PTPRC: variants seen among roughly 807,000 people sequenced by gnomAD.
The protein encoded by PTPRC is protein tyrosine phosphatase receptor type C.
PTPRC carries 44 observed loss-of-function variants against 155.9 expected under a neutral mutation model. That is an observed-to-expected ratio of 0.28 (90% CI 0.22 to 0.36). The LOEUF is 0.36. Ranked by LOEUF, PTPRC falls within the 10% of genes least tolerant of loss-of-function variation. The pLI is 1.00. For missense variants in PTPRC, 1,401 were observed against 1,564.6 expected (o/e 0.90, Z 1.76); for synonymous variants, 525 against 533.1 (o/e 0.98, Z 0.21).
At chr1:198,754,672 G>T (rs1418532914) in intron 32 of PTPRC, among the ~76,000 whole-genome samples, 1 of 152,028 alleles carries the variant, frequency 6.6e-6, no homozygotes, top group Non-Finnish European at 1.5e-5. Flanking sequence ...AAATGCTCAT[G>T]AATTTCTTAA....
chr1:198,754,042 T>C (rs1280079417), intron 31 of PTPRC, among the ~76,000 whole-genome samples: 1 of 152,020 alleles, frequency 6.6e-6, no homozygotes. Context: ...ATTTGTAAAG[T>C]CGAAGACAAA....
intron 17 of PTPRC, among the ~76,000 whole-genome samples, chr1:198,729,985 A>C (rs1654315715): frequency 6.6e-6 from 1 of 152,068 alleles, no homozygotes. Flanking sequence ...GGCTGCTCCC[A>C]CTAAAGACAC....
At chr1:198,642,370 G>GTCTATCTATCTATCTATCTA (rs369299301) in intron 2 of PTPRC, among the ~76,000 whole-genome samples, 2,723 of 150,496 alleles carry the variant, frequency 0.018, 24 homozygotes, top group Non-Finnish European at 0.022. Flanking sequence ...CTATCTATCT[G>GTCTATCTATCTATCTATCTA]TCTATCTATC....
At chr1:198,723,652 A>G (rs890949735) in intron 15 of PTPRC, among the ~76,000 whole-genome samples, 1 of 152,158 alleles carries the variant, frequency 6.6e-6, no homozygotes, top group African/African-American at 2.4e-5. Flanking sequence ...GAACATTCAC[A>G]CTCACATCTT....
Position 198,733,428 on chromosome 1 carries a change from G to A in PTPRC, c.2143-768G>A, listed in dbSNP as rs190708723. Among the ~76,000 whole-genome samples, 237 of 151,798 alleles carry A rather than the reference G, an allele frequency of 1.6e-3. 1 individual carries two copies. The highest frequency in any genetic ancestry group is 5.5e-3 in the African/African-American group (227 of 41,480). ...ACTTATTAAATAAATGAATGTATGC[G>A]CAATAATGTGTCATGAGATAGAAGT... On this transcript the variant is annotated intron_variant, in intron 20 of 32. Transcript: ENST00000442510.
rs76609275 is a variant in PTPRC at position 198,715,825 on chromosome 1, G to A, written c.1292-857G>A. Among the ~76,000 whole-genome samples, 1,312 of 152,108 alleles carry A rather than the reference G, an allele frequency of 8.6e-3. 15 individuals carry two copies. The highest frequency in any genetic ancestry group is 0.03 in the African/African-American group (1,237 of 41,492). ...GTTATTATTTTTAAAAATCGTTATT[G>A]ATATTATTATTACTGTTGCTGCTAT... is the stretch of plus-strand genomic sequence containing the variant. On this transcript the variant is annotated intron_variant, in intron 12 of 32. Transcript: ENST00000442510.
Position 198,639,223 on chromosome 1 carries a change from CAGA to C in PTPRC, c.-43_-41del. 1 of 1,538,014 alleles carries C rather than the reference CAGA, an allele frequency of 6.5e-7. No homozygotes were observed. The highest frequency in any genetic ancestry group is 9.0e-7 in the Non-Finnish European group (1 of 1,111,136). ...CAGAGATAACAATTATTTTGCTTTT[CAGA>C]AGGACGCATGCTGTTTCTTAGGGAC... On this transcript the variant is annotated splice_acceptor_variant and 5_prime_UTR_variant, in exon 2 of 33. Coordinates refer to ENST00000442510, the MANE Select transcript of PTPRC (RefSeq NM_002838.5). LOFTEE classifies it low-confidence loss of function (5UTR_SPLICE).
rs1371490627 is a variant in PTPRC at position 198,699,664 on chromosome 1, T to C, written c.399T>C (p.Asn133=). The change falls in exon 5 of 33, where the codon AAT becomes AAC. Residue 133 remains asparagine (N), a synonymous_variant. Coordinates refer to ENST00000442510, the MANE Select transcript of PTPRC (RefSeq NM_002838.5). The stretch of plus-strand genomic sequence containing the variant: ...AGACATTCAGCGGCTCCGCCGCCAA[T>C]GCAAAACTCAACCCTACCCCAGGCA... ...DTQTFSGSAA[N]AKLNPTPGSN... 1.2e-6 allele frequency: 2 copies of C among 1,614,086 alleles called. No individual in the cohort carries two copies. Among genetic ancestry groups the C allele is most frequent in the East Asian group, 2.2e-5 (1 of 44,894 alleles).
intron 17 of PTPRC, among the ~76,000 whole-genome samples, chr1:198,731,232 C>T (rs1571877428): frequency 6.6e-6 from 1 of 151,770 alleles, no homozygotes; most frequent in Non-Finnish European, 1.5e-5. Flanking sequence ...CAGTATTTCA[C>T]AAGTTGAAAA....
In PTPRC at chr1:198,747,743, A is replaced by C. The variant is rs142116756; in HGVS notation, c.2848-366A>C. Among the ~76,000 whole-genome samples the C allele has an allele frequency of 3.6e-3, 549 of 152,056 alleles. 6 individuals carry two copies. The highest frequency in any genetic ancestry group is 0.012 in the African/African-American group (508 of 41,528). On this transcript the variant is annotated intron_variant, in intron 26 of 32. Coordinates refer to ENST00000442510, the MANE Select transcript of PTPRC (RefSeq NM_002838.5). Reference sequence around the variant, plus strand: ...AGTCTCCTAAGAATGTGTTGTCTCCAAAGTTTATTTCTGATCATTTAAAAT... The same window carrying C: ...AGTCTCCTAAGAATGTGTTGTCTCCCAAGTTTATTTCTGATCATTTAAAAT...
rs1655671301 is a variant in PTPRC at position 198,756,470 on chromosome 1, G to A, written c.*289G>A. On this transcript the variant is annotated 3_prime_UTR_variant, in exon 33 of 33. Coordinates refer to ENST00000442510, the MANE Select transcript of PTPRC (RefSeq NM_002838.5). ...TGTGTGTATGGGTGTGTGTTTGTGT[G>A]AGAGACAGAGAAAGAGAGAGAATTC... is the stretch of plus-strand genomic sequence containing the variant. 1.1e-5 allele frequency: 3 copies of A among 275,782 alleles called. No homozygotes were observed. The highest frequency in any genetic ancestry group is 2.1e-5 in the Non-Finnish European group (3 of 145,828). The allele number at this position is 275,782 out of a possible 1,614,324, so 17.1% of individuals were successfully genotyped here. A position where few individuals can be genotyped will look rare whatever the true frequency, so the allele number is the denominator to read the frequency against.
chr1:198,727,375 G>A (rs1473134898), intron 15 of PTPRC, among the ~76,000 whole-genome samples: 3 of 151,966 alleles, frequency 2.0e-5, no homozygotes, highest in African/African-American at 7.3e-5. Flanking sequence ...TAAGTTCCAT[G>A]AGGACAGGAC....
chr1:198,693,713 T>C (rs780440067), intron 3 of PTPRC, among the ~76,000 whole-genome samples: 2 of 152,192 alleles, frequency 1.3e-5, no homozygotes, highest in Non-Finnish European at 2.9e-5. Flanking sequence ...TCAAGAACAA[T>C]GTGGAATTGG....
chr1:198,660,492 G>A (rs1449225336), intron 2 of PTPRC: 1 of 151,660 alleles, frequency 6.6e-6, no homozygotes, highest in Non-Finnish European at 1.5e-5. Context: ...GTGTGTGTGT[G>A]TGTGTGTGTG....
rs755042765 is a variant in PTPRC at position 198,734,447 on chromosome 1, A to T, written c.2277+22A>T. ...CAGGGTAAGAACCAAGAAGATTCATAGTGTGGGTCTTGGGGTTAGGAAAAC... is the reference window on the plus strand; with the variant it reads ...CAGGGTAAGAACCAAGAAGATTCATTGTGTGGGTCTTGGGGTTAGGAAAAC... On this transcript the variant is annotated intron_variant, in intron 22 of 32. Transcript: ENST00000442510. 24 of 1,602,644 alleles carry T rather than the reference A, an allele frequency of 1.5e-5. No individual in the cohort carries two copies. In the South Asian group the frequency reaches 2.5e-4, roughly 17 times the overall value.
intron 2 of PTPRC, among the ~76,000 whole-genome samples, chr1:198,645,364 TATA>T (rs1375026881): frequency 1.3e-5 from 2 of 151,608 alleles, no homozygotes; most frequent in Admixed American, 6.6e-5. Context: ...TGATGAAAAA[TATA>T]ATAATTTACT....
intron 2 of PTPRC, among the ~76,000 whole-genome samples, chr1:198,676,632 G>C (rs1664969613): frequency 1.3e-5 from 2 of 152,160 alleles, no homozygotes; most frequent in South Asian, 4.1e-4. Context: ...CACTTCTTGA[G>C]AGTGGGTATC....
At chr1:198,687,381 A>C (rs78758262) in intron 2 of PTPRC, among the ~76,000 whole-genome samples, 421 of 152,332 alleles carry the variant, frequency 2.8e-3, no homozygotes, top group Non-Finnish European at 4.4e-3. Flanking sequence ...ATGTTTGCAC[A>C]TATGAAGTGC....
In PTPRC at chr1:198,740,157, C is replaced by T. The variant is rs1045070885; in HGVS notation, c.2404-1712C>T. Among the ~76,000 whole-genome samples, 3 of 151,182 alleles carry T rather than the reference C, an allele frequency of 2.0e-5. No individual in the cohort carries two copies. The East Asian group carries it at 5.8e-4, about 29-fold the overall frequency. On this transcript the variant is annotated intron_variant, in intron 23 of 32. Transcript: ENST00000442510. ...CAACATAATGATACATTTCAAAGAACTAGAAAAGCAAGAGCAAACTGAACT... is the reference window on the plus strand; with the variant it reads ...CAACATAATGATACATTTCAAAGAATTAGAAAAGCAAGAGCAAACTGAACT...
Sources: allele counts gnomAD v4.1 joint callset (sites outside exome capture counted in the v4.1 genomes callset), GRCh38; gene constraint gnomAD v4.1.1; transcripts MANE v1.5; gene names NCBI Gene and HGNC (gene_info 2026-07-23, HGNC 2026-07-21).